EIF4G3: variants seen among roughly 807,000 people sequenced by gnomAD.
The protein encoded by EIF4G3 is eIF-4-gamma 3.
A neutral mutation model predicts 186.4 loss-of-function variants in EIF4G3; 34 were observed. That is an observed-to-expected ratio of 0.18 (90% CI 0.14 to 0.24). EIF4G3 has a LOEUF of 0.24. Ranked by LOEUF, EIF4G3 falls within the 10% of genes least tolerant of loss-of-function variation. The pLI is 1.00. For missense variants in EIF4G3, 1,536 were observed against 1,948.5 expected (o/e 0.79, Z 3.99); for synonymous variants, 673 against 679.5 (o/e 0.99, Z 0.15).
At chr1:21,084,480 C>T (rs2095894961) in intron 3 of EIF4G3, among the ~76,000 whole-genome samples, 1 of 152,142 alleles carries the variant, frequency 6.6e-6, no homozygotes, top group Non-Finnish European at 1.5e-5. Context: ...ATGATCCAAT[C>T]ACCTCCCACC....
At chr1:21,022,707 T>C (rs115878571) in intron 4 of EIF4G3, among the ~76,000 whole-genome samples, 1,640 of 152,208 alleles carry the variant, frequency 0.011, 33 homozygotes, top group African/African-American at 0.037. Flanking sequence ...CAAGTAACAT[T>C]AGGAGGTTAA....
intron 11 of EIF4G3, among the ~76,000 whole-genome samples, chr1:20,972,609 TG>T (rs1170648157): frequency 6.6e-6 from 1 of 151,666 alleles, no homozygotes; most frequent in Non-Finnish European, 1.5e-5. Context: ...CACTCCAGCT[TG>T]GGCTACAGAG....
intron 4 of EIF4G3, among the ~76,000 whole-genome samples, chr1:21,011,640 T>C (rs1448972237): frequency 6.6e-6 from 1 of 152,222 alleles, no homozygotes; most frequent in African/African-American, 2.4e-5. Context: ...GGTATTACCC[T>C]ACCCTACCTA....
rs556255433 is a variant in EIF4G3, at chr1:20,928,031, A to AT, written c.1663+13459dup. Among the ~76,000 whole-genome samples the AT allele has an allele frequency of 1.5e-4, 23 of 151,050 alleles. No individual in the cohort carries two copies. The East Asian group carries it at 4.2e-3, about 27-fold the overall frequency. ...CACCACCATGCTTGGCTAATTTTTT[A>AT]TTTTTTTGTAGGGACGAAAGGTCTC... On this transcript the variant is annotated intron_variant, in intron 14 of 36. Transcript: ENST00000602326.
intron 2 of EIF4G3, among the ~76,000 whole-genome samples, chr1:21,129,296 C>T (rs187980219): frequency 6.7e-6 from 1 of 148,534 alleles, no homozygotes; most frequent in Non-Finnish European, 1.5e-5. Flanking sequence ...GCCTGGGCAA[C>T]AAGAGCGAAA....
chr1:20,955,036 T>G (rs972811414), intron 12 of EIF4G3, among the ~76,000 whole-genome samples: 1 of 152,160 alleles, frequency 6.6e-6, no homozygotes, highest in Non-Finnish European at 1.5e-5. Flanking sequence ...GAGTATTCCA[T>G]GATCAACTCC....
At chr1:21,002,683 G>C (rs751167949) in intron 5 of EIF4G3, 30 bp downstream of exon 5, 1 of 1,609,696 alleles carries the variant, frequency 6.2e-7, no homozygotes, top group African/African-American at 1.3e-5. Flanking sequence ...GGTAGAGAAT[G>C]TAATTTGGTT....
In EIF4G3 at chr1:21,029,305, C is replaced by G. The variant is rs1461788350; in HGVS notation, c.-67+21561G>C. On this transcript the variant is annotated intron_variant, in intron 4 of 36. Coordinates refer to ENST00000602326, the MANE Select transcript of EIF4G3 (RefSeq NM_001391906.1). Reference sequence around the variant, plus strand: ...AAAGTGCTGGAATTACAGGCATGAGCCACCATGCCTGGCCCCAATCATAAA... The same window carrying G: ...AAAGTGCTGGAATTACAGGCATGAGGCACCATGCCTGGCCCCAATCATAAA... Among the ~76,000 whole-genome samples the G allele has an allele frequency of 4.6e-5, 7 of 152,204 alleles. No individual in the cohort carries two copies. The South Asian group carries it at 1.5e-3, about 32-fold the overall frequency.
At position 20,941,441 on chromosome 1, in the gene EIF4G3, G is replaced by A. The variant is rs1205663060; in HGVS notation, c.1663+50C>T. On this transcript the variant is annotated intron_variant, in intron 14 of 36. Coordinates refer to ENST00000602326, the MANE Select transcript of EIF4G3 (RefSeq NM_001391906.1). ...CCAATTAAAAAATAACTCAAACACT[G>A]CCTCTTCTTCATGTTCAGCAAGCAC... is the stretch of plus-strand genomic sequence containing the variant. 10 of 1,608,516 alleles carry A rather than the reference G, an allele frequency of 6.2e-6. No individual in the cohort carries two copies. The African/African-American group carries it at 6.7e-5, about 11-fold the overall frequency.
Position 20,807,229 on chromosome 1 carries a change from G to T in EIF4G3, c.*90C>A. 1 of 1,231,256 alleles carries T rather than the reference G, an allele frequency of 8.1e-7. No individual in the cohort carries two copies. Among genetic ancestry groups the T allele is most frequent in the Non-Finnish European group, 1.1e-6 (1 of 894,842 alleles). The allele number at this position is 1,231,256 out of a possible 1,614,324, so 76.3% of individuals were successfully genotyped here. A position where few individuals can be genotyped will look rare whatever the true frequency, so the allele number is the denominator to read the frequency against. On this transcript the variant is annotated 3_prime_UTR_variant, in exon 37 of 37. Transcript: ENST00000602326. ...CACGTGGGGGTTTCTGCGAGAATTG[G>T]CCTTGCTGCACTGTGATTGGCGAAG...
intron 7 of EIF4G3, among the ~76,000 whole-genome samples, chr1:20,989,080 G>GA (rs2080332367): frequency 5.1e-5 from 5 of 97,986 alleles, no homozygotes; most frequent in Non-Finnish European, 1.1e-4. Context: ...GGGGAGGGGA[G>GA]GGGAGAGGAG....
intron 14 of EIF4G3, among the ~76,000 whole-genome samples, chr1:20,920,224 A>G (rs1159465705): frequency 6.6e-6 from 1 of 152,202 alleles, no homozygotes; most frequent in East Asian, 1.9e-4. Context: ...TTATTGTACA[A>G]ATAAAATTGA....
chr1:21,175,005 CTG>C (rs754066624), intron 2 of EIF4G3: 4 of 152,202 alleles, frequency 2.6e-5, no homozygotes, highest in Non-Finnish European at 5.9e-5. Flanking sequence ...AAACTACAGA[CTG>C]TGAAATAATC....
intron 18 of EIF4G3, among the ~76,000 whole-genome samples, chr1:20,888,474 TAATC>T (rs1426496674): frequency 6.6e-6 from 1 of 152,182 alleles, no homozygotes; most frequent in Non-Finnish European, 1.5e-5. Flanking sequence ...TATGTTCAAT[TAATC>T]AATCTCTAAT....
At chr1:20,962,908 G>GTTTT (rs66593105) in intron 12 of EIF4G3, among the ~76,000 whole-genome samples, 7 of 139,182 alleles carry the variant, frequency 5.0e-5, no homozygotes, top group African/African-American at 8.0e-5. Context: ...TTGTAGTTTT[G>GTTTT]TTTTTTTTTT....
At chr1:20,970,321 TATC>T (rs1218138781) in intron 11 of EIF4G3, among the ~76,000 whole-genome samples, 1 of 152,096 alleles carries the variant, frequency 6.6e-6, no homozygotes, top group African/African-American at 2.4e-5. Context: ...GCTCAAAAAT[TATC>T]ATACGTCGGC....
At chr1:21,160,221 A>G (rs1167538334) in intron 2 of EIF4G3, among the ~76,000 whole-genome samples, 1 of 152,216 alleles carries the variant, frequency 6.6e-6, no homozygotes, top group Non-Finnish European at 1.5e-5. Context: ...AATGATAGTT[A>G]CTGGATTTTA....
At chr1:20,980,531 T>G in intron 9 of EIF4G3, 83 bp from the exon 10 acceptor site, 1 of 937,974 alleles carries the variant, frequency 1.1e-6, no homozygotes, top group Non-Finnish European at 1.5e-6. Context: ...GAAAGTAGCT[T>G]ACTACAGAAA....
At chr1:20,982,905 A>C (rs2078611762) in intron 7 of EIF4G3, among the ~76,000 whole-genome samples, 1 of 152,220 alleles carries the variant, frequency 6.6e-6, no homozygotes, top group African/African-American at 2.4e-5. Flanking sequence ...TTTTTAACTA[A>C]TCAGGTATAT....
Sources: allele counts gnomAD v4.1 joint callset (sites outside exome capture counted in the v4.1 genomes callset), GRCh38; gene constraint gnomAD v4.1.1; transcripts MANE v1.5; gene names NCBI Gene and HGNC (gene_info 2026-07-23, HGNC 2026-07-21).